Variants in EFCAB6 observed in about 807,000 individuals in gnomAD.
EFCAB6 encodes the protein EF-hand calcium binding domain 6.
EFCAB6 carries 156 observed loss-of-function variants against 169.8 expected under a neutral mutation model. The ratio of observed to expected loss-of-function variants is 0.92; its 90% CI spans 0.81 to 1.05. EFCAB6 has a LOEUF of 1.05. Among genes scored for constraint, EFCAB6 ranks in the 50% least tolerant of loss-of-function variants. EFCAB6 has a pLI of 0.00. For synonymous variants in EFCAB6, 698 were observed against 676.4 expected, an observed-to-expected ratio of 1.03 and a Z score of -0.50; for missense variants, 1,800 against 1,829.1, an observed-to-expected ratio of 0.98 and a Z score of 0.29.
intron 29 of EFCAB6, 123 bp from the exon 30 acceptor site, chr22:43,534,995 A>C: frequency 1.0e-6 from 1 of 1,003,572 alleles, no homozygotes; most frequent in Middle Eastern, 3.0e-4. Flanking sequence ...CCTCACATCA[A>C]AGAACTCACG....
rs2059632557 is a variant in EFCAB6, at chr22:43,724,054, C to G, written c.758-7082G>C. Among the ~76,000 whole-genome samples, 6 of 152,322 alleles carry G rather than the reference C, an allele frequency of 3.9e-5. 1 individual carries two copies. The South Asian group carries it at 1.2e-3, about 32-fold the overall frequency. On this transcript the variant is annotated intron_variant, in intron 8 of 31. Transcript: ENST00000262726. ...TTTTTTCATTCTGCATGTGGCCAGGCTGCACTTCCTTCAGGATTGTAAGTT... is the reference window on the plus strand; with the variant it reads ...TTTTTTCATTCTGCATGTGGCCAGGGTGCACTTCCTTCAGGATTGTAAGTT...
chr22:43,534,715 CCTG>C lies in EFCAB6; in HGVS notation c.4203_4205del (p.His1401_Arg1402delinsGln). 1.2e-6 allele frequency: 2 copies of C among 1,611,602 alleles called. No individual in the cohort carries two copies. Among genetic ancestry groups the C allele is most frequent in the South Asian group, 2.2e-5 (2 of 90,296 alleles). On this transcript the variant is annotated inframe_deletion, in exon 30 of 32. Coordinates refer to ENST00000262726, the MANE Select transcript of EFCAB6 (RefSeq NM_022785.4). ...TCTTGTGTGCATTCTGGATCTTCATCCTGTGCATCAGTGAGCTTTCCTTTGCTT... is the reference window on the plus strand; with the variant it reads ...TCTTGTGTGCATTCTGGATCTTCATCTGCATCAGTGAGCTTTCCTTTGCTT...
At chr22:43,614,176 G>GAAAAAAAAAAAAA (rs1569248978) in intron 21 of EFCAB6, among the ~76,000 whole-genome samples, 1 of 8,896 alleles carries the variant, frequency 1.1e-4, no homozygotes, top group African/African-American at 1.3e-3. Flanking sequence ...ACACAATACT[G>GAAAAAAAAAAAAA]CAAAAAAAAA....
Position 43,702,122 on chromosome 22 carries a change from C to A in EFCAB6, c.1031+9353G>T, listed in dbSNP as rs74371623. On this transcript the variant is annotated intron_variant, in intron 10 of 31. Coordinates refer to ENST00000262726, the MANE Select transcript of EFCAB6 (RefSeq NM_022785.4). Reference sequence around the variant, plus strand: ...AACAATCACAAGGCACTACTTTACACCTCATGAGTTATCAATATTTTAAAA... The same window carrying A: ...AACAATCACAAGGCACTACTTTACAACTCATGAGTTATCAATATTTTAAAA... 3.5e-3 allele frequency among the ~76,000 whole-genome samples: 527 copies of A among 152,302 alleles called. 1 individual carries two copies. Among genetic ancestry groups the A allele is most frequent in the African/African-American group, 0.012 (507 of 41,560 alleles).
intron 2 of EFCAB6, among the ~76,000 whole-genome samples, chr22:43,803,344 C>A (rs1387781982): frequency 6.6e-6 from 1 of 152,198 alleles, no homozygotes; most frequent in Non-Finnish European, 1.5e-5. Context: ...AACCCTCACT[C>A]TAAACTTTCC....
At chr22:43,700,997 G>T (rs939040382) in intron 10 of EFCAB6, among the ~76,000 whole-genome samples, 1 of 152,082 alleles carries the variant, frequency 6.6e-6, no homozygotes, top group African/African-American at 2.4e-5. Context: ...TTTAATAAAA[G>T]ATAAATAAAA....
At chr22:43,567,964 C>T (rs969809685) in intron 26 of EFCAB6, among the ~76,000 whole-genome samples, 2 of 152,220 alleles carry the variant, frequency 1.3e-5, no homozygotes, top group African/African-American at 2.4e-5. Context: ...TGCAAGAACA[C>T]AGAAGCCTCC....
chr22:43,713,646 C>T (rs929606802), intron 9 of EFCAB6, among the ~76,000 whole-genome samples: 6 of 152,202 alleles, frequency 3.9e-5, no homozygotes, highest in African/African-American at 1.4e-4. Context: ...TCCGGAGAAA[C>T]CTTGGCATCT....
chr22:43,648,818 A>G (rs1312247376), intron 17 of EFCAB6, among the ~76,000 whole-genome samples: 1 of 152,230 alleles, frequency 6.6e-6, no homozygotes, highest in African/African-American at 2.4e-5. Context: ...TAATGCCATG[A>G]TACTTTATAA....
intron 24 of EFCAB6, among the ~76,000 whole-genome samples, chr22:43,587,391 C>T (rs1004372237): frequency 1.9e-4 from 29 of 152,216 alleles, no homozygotes; most frequent in African/African-American, 6.8e-4. Flanking sequence ...TAAAGCAACA[C>T]ACATTGATTC....
In EFCAB6 at chr22:43,600,219, A is replaced by G. The variant is rs539778625; in HGVS notation, c.2726T>C (p.Leu909Ser). 1 of 1,614,176 alleles carries G rather than the reference A, an allele frequency of 6.2e-7. No homozygotes were observed. The highest frequency in any genetic ancestry group is 1.3e-5 in the African/African-American group (1 of 75,054). ...CGAATAGTTAATACCCAATTTCTGT[A>G]AAAATTCCTGGTAAGTAATGTGCCC... Reference protein sequence around the residue: ...GKGHITYQEFLQKLGINYSPA... With the variant: ...GKGHITYQEFSQKLGINYSPA... Residue 909 changes from leucine to serine, a missense_variant, in exon 23 of 32, where the codon TTA becomes TCA. Physicochemically the swap from Leu to Ser is moderately radical, Grantham distance 145. Transcript: ENST00000262726.
intron 23 of EFCAB6, among the ~76,000 whole-genome samples, chr22:43,592,610 G>A (rs573242805): frequency 3.3e-5 from 5 of 152,274 alleles, no homozygotes; most frequent in East Asian, 3.9e-4. Flanking sequence ...AAACAGAAAC[G>A]GTGTCAGCCG....
chr22:43,609,202 G>C (rs1441765479), intron 21 of EFCAB6, among the ~76,000 whole-genome samples: 3 of 152,250 alleles, frequency 2.0e-5, no homozygotes, highest in East Asian at 3.9e-4. Flanking sequence ...TACATCTACA[G>C]AGTTCTCTGC....
At chr22:43,630,648 C>A (rs913611680) in intron 19 of EFCAB6, among the ~76,000 whole-genome samples, 2 of 152,222 alleles carry the variant, frequency 1.3e-5, no homozygotes, top group African/African-American at 4.8e-5. Flanking sequence ...TGCCGACCAG[C>A]ACAGAAGGGA....
At position 43,773,035 on chromosome 22, in the gene EFCAB6, C is replaced by T. The variant is rs372164701; in HGVS notation, c.208G>A (p.Asp70Asn). The T allele has an allele frequency of 8.1e-6, 13 of 1,614,028 alleles. No individual in the cohort carries two copies. The highest frequency in any genetic ancestry group is 2.7e-5 in the African/African-American group (2 of 74,910). ...GCTTTTTGCAACTCATCCCCTCTGT[C>T]GGTAATTTTTTGAAATAAAATCCGT... is the stretch of plus-strand genomic sequence containing the variant. Reference protein sequence around the residue: ...VKRILFQKITDRGDELQKAFQ... With the variant: ...VKRILFQKITNRGDELQKAFQ... The change falls in exon 4 of 32, where the codon GAC (aspartate) becomes AAC (asparagine). Residue 70 changes from aspartate (D) to asparagine (N), a missense_variant. Asp to Asn is a conservative substitution (Grantham distance 23). Coordinates refer to ENST00000262726, the MANE Select transcript of EFCAB6 (RefSeq NM_022785.4).
At chr22:43,783,544 A>C (rs1456953836) in intron 2 of EFCAB6, among the ~76,000 whole-genome samples, 1 of 152,224 alleles carries the variant, frequency 6.6e-6, no homozygotes, top group African/African-American at 2.4e-5. Flanking sequence ...CTCAGCAAAA[A>C]TTGGGAGATA....
chr22:43,632,294 C>CA lies in EFCAB6; in HGVS notation c.2099-57_2099-56insT, dbSNP rs1393554380. The CA allele has an allele frequency of 3.7e-5, 42 of 1,131,142 alleles. No individual in the cohort carries two copies. In the Admixed American group the frequency reaches 1.5e-3, roughly 39 times the overall value. 70.1% of individuals were successfully genotyped at this position (1,131,142 alleles called of 1,614,324 possible). A position where few individuals can be genotyped will look rare whatever the true frequency, so the allele number is the denominator to read the frequency against. ...TTAGTGCCCATCAGCTTCATTCCTT[C>CA]TTTTTTTTTTTTTTTTTTTTTTGAG... is the stretch of plus-strand genomic sequence containing the variant. On this transcript the variant is annotated intron_variant, in intron 18 of 31. Transcript: ENST00000262726.
chr22:43,731,608 G>A, intron 8 of EFCAB6, 91 bp downstream of exon 8: 2 of 674,196 alleles, frequency 3.0e-6, no homozygotes. Context: ...TCCTATATTT[G>A]AAAGTATTTC....
chr22:43,710,451 T>C (rs2059120318), intron 10 of EFCAB6, among the ~76,000 whole-genome samples: 1 of 152,172 alleles, frequency 6.6e-6, no homozygotes, highest in Non-Finnish European at 1.5e-5. Context: ...GAAAAAATCA[T>C]TAAGAAAATA....
Sources: gnomAD v4.1 joint callset for allele counts (sites outside exome capture counted in the v4.1 genomes callset) on GRCh38, gnomAD v4.1.1 for gene constraint, MANE v1.5 for transcripts, NCBI Gene and HGNC (gene_info 2026-07-23, HGNC 2026-07-21) for gene names.